RALYL: variants seen among roughly 807,000 people sequenced by gnomAD.
RALYL encodes RALY RNA binding protein like.
A neutral mutation model predicts 35.1 loss-of-function variants in RALYL; 29 were observed. The observed-to-expected ratio is 0.83, with a 90% CI of 0.61 to 1.13. The LOEUF is 1.13. RALYL is among the 50% of genes most tolerant of loss of function. RALYL has a pLI of 0.00. For missense variants in RALYL, 359 were observed against 360.4 expected (o/e 1.00, Z 0.03); for synonymous variants, 120 against 127.6 (o/e 0.94, Z 0.40).
At chr8:84,864,095 A>G (rs552599268) in intron 6 of RALYL, among the ~76,000 whole-genome samples, 3 of 152,306 alleles carry the variant, frequency 2.0e-5, no homozygotes, top group African/African-American at 7.2e-5. Context: ...ATGTGAAGAG[A>G]CTTTACAGTT....
At chr8:84,372,898 T>TG (rs1856135821) in intron 1 of RALYL, among the ~76,000 whole-genome samples, 8 of 137,500 alleles carry the variant, frequency 5.8e-5, no homozygotes, top group African/African-American at 1.1e-4. Flanking sequence ...TTTTTTTTTT[T>TG]TTTTTTTTTT....
chr8:84,736,951 GA>G, intron 2 of RALYL, among the ~76,000 whole-genome samples: 1 of 152,016 alleles, frequency 6.6e-6, no homozygotes, highest in Admixed American at 6.6e-5. Context: ...CATTTTGAAG[GA>G]TGAAACTGTA....
At chr8:84,222,599 C>T (rs190828435) in intron 1 of RALYL, among the ~76,000 whole-genome samples, 19 of 152,170 alleles carry the variant, frequency 1.2e-4, no homozygotes, top group African/African-American at 4.1e-4. Context: ...GAGGAAAAGA[C>T]GGCACATGAC....
rs564073114 is a variant in RALYL at position 84,617,880 on chromosome 8, T to C, written c.256+88303T>C. Among the ~76,000 whole-genome samples, 10 of 152,002 alleles carry C rather than the reference T, an allele frequency of 6.6e-5. 1 individual carries two copies. Among genetic ancestry groups the C allele is most frequent in the African/African-American group, 2.2e-4 (9 of 41,240 alleles). On this transcript the variant is annotated intron_variant, in intron 2 of 8. Coordinates refer to ENST00000521268, the MANE Select transcript of RALYL (RefSeq NM_173848.7). ...TGGTTTTTGTCTTTGGCTCTGTCTT[T>C]ATGCTGGATTACATTTATTGATTTG...
chr8:84,579,456 G>A (rs1810327714), intron 2 of RALYL, among the ~76,000 whole-genome samples: 2 of 152,172 alleles, frequency 1.3e-5, no homozygotes, highest in South Asian at 4.1e-4. Context: ...CTTGGTAGGG[G>A]GCAGAGCTCC....
chr8:84,630,966 G>C (rs952996305), intron 2 of RALYL, among the ~76,000 whole-genome samples: 2 of 151,974 alleles, frequency 1.3e-5, no homozygotes, highest in Admixed American at 6.6e-5. Flanking sequence ...TTATTATCAG[G>C]ATGCATTGCA....
chr8:84,305,019 A>T (rs1177461948), intron 1 of RALYL, among the ~76,000 whole-genome samples: 1 of 152,164 alleles, frequency 6.6e-6, no homozygotes, highest in Non-Finnish European at 1.5e-5. Context: ...AACATTACAG[A>T]GCTGGTTTGT....
intron 1 of RALYL, among the ~76,000 whole-genome samples, chr8:84,459,998 C>A (rs1476035017): frequency 6.6e-6 from 1 of 151,640 alleles, no homozygotes; most frequent in Non-Finnish European, 1.5e-5. Flanking sequence ...ATATAAAAAA[C>A]AGGAACAAGG....
chr8:84,550,222 T>C (rs1447618104), intron 2 of RALYL, among the ~76,000 whole-genome samples: 2 of 152,060 alleles, frequency 1.3e-5, no homozygotes, highest in Non-Finnish European at 2.9e-5. Context: ...TCTATCCTTC[T>C]CCCTCTCTCT....
chr8:84,844,957 A>C (rs2134680827), intron 4 of RALYL, among the ~76,000 whole-genome samples: 1 of 149,952 alleles, frequency 6.7e-6, no homozygotes, highest in Non-Finnish European at 1.5e-5. Flanking sequence ...ATCACACACC[A>C]GGGCCTGTTG....
intron 2 of RALYL, among the ~76,000 whole-genome samples, chr8:84,563,414 A>T (rs775430804): frequency 2.0e-5 from 3 of 151,890 alleles, no homozygotes; most frequent in Non-Finnish European, 2.9e-5. Flanking sequence ...TGGAGGAGGC[A>T]GACTATTACA....
chr8:84,255,861 T>C (rs1294835896), intron 1 of RALYL, among the ~76,000 whole-genome samples: 2 of 152,166 alleles, frequency 1.3e-5, no homozygotes, highest in African/African-American at 4.8e-5. Context: ...ATATTGCATA[T>C]AATTTCACTG....
At chr8:84,845,637 T>C (rs2134697098) in intron 4 of RALYL, among the ~76,000 whole-genome samples, 1 of 152,342 alleles carries the variant, frequency 6.6e-6, no homozygotes, top group East Asian at 1.9e-4. Context: ...ACTTCCTTCA[T>C]AGTTTTGCTG....
intron 1 of RALYL, among the ~76,000 whole-genome samples, chr8:84,297,849 TAAG>T (rs1383982382): frequency 1.3e-5 from 2 of 152,146 alleles, no homozygotes; most frequent in Non-Finnish European, 2.9e-5. Flanking sequence ...TGTCTTCTTT[TAAG>T]AAGTGACTGT....
intron 2 of RALYL, among the ~76,000 whole-genome samples, chr8:84,571,887 G>T (rs1308651899): frequency 6.6e-6 from 1 of 151,756 alleles, no homozygotes; most frequent in Non-Finnish European, 1.5e-5. Context: ...CATTCAGGAG[G>T]AAATTGTTTA....
At chr8:84,337,521 G>A (rs1490471974) in intron 1 of RALYL, among the ~76,000 whole-genome samples, 2 of 151,996 alleles carry the variant, frequency 1.3e-5, no homozygotes, top group Non-Finnish European at 2.9e-5. Context: ...TCTATACATG[G>A]CTACAGTAAG....
At chr8:84,732,668 T>TTATATATATATGTA (rs780316979) in intron 2 of RALYL, among the ~76,000 whole-genome samples, 52 of 132,488 alleles carry the variant, frequency 3.9e-4, no homozygotes, top group African/African-American at 1.5e-3. Context: ...TATTAAATAA[T>TTATATATATATGTA]TATATATATA....
In RALYL at chr8:84,559,857, G is replaced by C. The variant is rs111936046; in HGVS notation, c.256+30280G>C. Reference sequence around the variant, plus strand: ...TCAGCAATAAAAGAGTAAGAAACAGGGGGGAAAGGAGGCTGCTAGGAGACA... The same window carrying C: ...TCAGCAATAAAAGAGTAAGAAACAGCGGGGAAAGGAGGCTGCTAGGAGACA... On this transcript the variant is annotated intron_variant, in intron 2 of 8. Coordinates refer to ENST00000521268, the MANE Select transcript of RALYL (RefSeq NM_173848.7). 2.7e-4 allele frequency among the ~76,000 whole-genome samples: 41 copies of C among 151,990 alleles called. 1 individual carries two copies. The highest frequency in any genetic ancestry group is 1.2e-3 in the Admixed American group (19 of 15,216).
chr8:84,385,070 A>G (rs1858888477), intron 1 of RALYL, among the ~76,000 whole-genome samples: 1 of 151,864 alleles, frequency 6.6e-6, no homozygotes. Context: ...AGTCCAGGAA[A>G]GTAAAGCAAA....
Sources: gnomAD v4.1 joint callset for allele counts (sites outside exome capture counted in the v4.1 genomes callset) on GRCh38, gnomAD v4.1.1 for gene constraint, MANE v1.5 for transcripts, NCBI Gene and HGNC (gene_info 2026-07-23, HGNC 2026-07-21) for gene names.